The following SNAP91 variants were observed in gnomAD, a reference collection of about 807,000 sequenced individuals.
SNAP91 encodes synaptosome associated protein 91, also known as clathrin coat assembly protein AP180.
SNAP91 carries 27 observed loss-of-function variants against 100.3 expected under a neutral mutation model. The observed-to-expected ratio is 0.27, with a 90% CI of 0.20 to 0.37. The LOEUF (loss-of-function observed/expected upper bound fraction) is 0.37. SNAP91 is among the 10% of genes least tolerant of loss of function. The probability of loss-of-function intolerance (pLI) is 1.00; values close to 1 mark genes in which losing one functional copy is unlikely to be tolerated. For missense variants in SNAP91, 986 were observed against 1,123.7 expected (o/e 0.88, Z 1.75); for synonymous variants, 404 against 398.6 (o/e 1.01, Z -0.16).
chr6:83,667,272 T>C (rs777105270), intron 2 of SNAP91, among the ~76,000 whole-genome samples: 7 of 152,062 alleles, frequency 4.6e-5, no homozygotes, highest in Non-Finnish European at 1.0e-4. Context: ...ACTTGGAGAA[T>C]TGTAGTGTAG....
chr6:83,574,271 T>C (rs1814018329), intron 26 of SNAP91, among the ~76,000 whole-genome samples: 1 of 152,218 alleles, frequency 6.6e-6, no homozygotes, highest in South Asian at 2.1e-4. Flanking sequence ...AGAAAAATTA[T>C]ACAGTTTGCT....
At chr6:83,601,081 TA>T (rs1184858916) in intron 16 of SNAP91, among the ~76,000 whole-genome samples, 189 bp downstream of exon 16, 1 of 152,200 alleles carries the variant, frequency 6.6e-6, no homozygotes, top group Non-Finnish European at 1.5e-5. Context: ...ATCTCTGCTA[TA>T]AAATTACTAA....
intron 16 of SNAP91, among the ~76,000 whole-genome samples, chr6:83,596,066 A>AT (rs1311942679): frequency 6.6e-6 from 1 of 152,130 alleles, no homozygotes; most frequent in Non-Finnish European, 1.5e-5. Flanking sequence ...CAATTTATTT[A>AT]TTATTAGAGA....
At chr6:83,597,374 A>C (rs1468932710) in intron 16 of SNAP91, among the ~76,000 whole-genome samples, 1 of 152,212 alleles carries the variant, frequency 6.6e-6, no homozygotes, top group East Asian at 1.9e-4. Flanking sequence ...AACTTTTTTA[A>C]ATATCTAGTT....
intron 2 of SNAP91, among the ~76,000 whole-genome samples, chr6:83,686,562 GC>G (rs1172922182): frequency 6.6e-6 from 1 of 151,692 alleles, no homozygotes; most frequent in African/African-American, 2.4e-5. Flanking sequence ...CCCAATTTGG[GC>G]CCAGGCCACT....
At chr6:83,580,175 G>A (rs1031042115) in intron 24 of SNAP91, among the ~76,000 whole-genome samples, 3 of 152,076 alleles carry the variant, frequency 2.0e-5, no homozygotes, top group African/African-American at 7.2e-5. Flanking sequence ...AATACACTTG[G>A]TTTCATACTT....
chr6:83,601,304 T>C lies in SNAP91; in HGVS notation c.1291A>G (p.Thr431Ala), dbSNP rs2095186165. Residue 431 changes from threonine (T) to alanine (A), a missense_variant, in exon 16 of 30, where the codon ACT becomes GCT. Physicochemically the swap from Thr to Ala is moderately conservative, Grantham distance 58. Around this residue, in one of 4 missense-constraint regions of SNAP91, gnomAD observed 575 missense variants for 579.9 expected, o/e 0.99. Transcript: ENST00000369694. ...SASASTTTTV[T>A]AVTAEVDLFG... ...AGATCCACTTCAGCAGTGACAGCAG[T>C]AACAGTTGTAGTAGTGGAGGCAGAA... 2 of 1,613,484 alleles carry C rather than the reference T, an allele frequency of 1.2e-6. No homozygotes were observed. Among genetic ancestry groups the C allele is most frequent in the Non-Finnish European group, 8.5e-7 (1 of 1,179,650 alleles).
rs201562303 is a variant in SNAP91 at position 83,707,898 on chromosome 6, G to A, written c.30C>T (p.Ile10=). The A allele has an allele frequency of 1.3e-6, 2 of 1,592,856 alleles. No individual in the cohort carries two copies. Among genetic ancestry groups the A allele is most frequent in the Non-Finnish European group, 1.7e-6 (2 of 1,173,068 alleles). Residue 10 remains isoleucine (I), a synonymous_variant, in exon 2 of 30, where the codon ATC becomes ATT. Transcript: ENST00000369694. MSGQTLTDR[I]AAAQYSVTGS... Reference sequence around the variant, plus strand: ...CTGTAACGCTGTACTGAGCGGCGGCGATCCGATCCGTGAGCGTTTGGCCCG... The same window carrying A: ...CTGTAACGCTGTACTGAGCGGCGGCAATCCGATCCGTGAGCGTTTGGCCCG...
intron 8 of SNAP91, among the ~76,000 whole-genome samples, chr6:83,627,701 T>C (rs973648884): frequency 1.3e-5 from 2 of 152,000 alleles, no homozygotes; most frequent in Non-Finnish European, 2.9e-5. Context: ...TAATGTCACC[T>C]TTGTCTGTCT....
chr6:83,564,571 C>G (rs1207450681), intron 26 of SNAP91, among the ~76,000 whole-genome samples: 1 of 151,926 alleles, frequency 6.6e-6, no homozygotes, highest in African/African-American at 2.4e-5. Context: ...CATTATGTTG[C>G]CCAGGCTAGT....
At chr6:83,598,074 T>G (rs2128227722) in intron 16 of SNAP91, among the ~76,000 whole-genome samples, 1 of 152,310 alleles carries the variant, frequency 6.6e-6, no homozygotes, top group South Asian at 2.1e-4. Flanking sequence ...GCAGAGGAAT[T>G]AGCATCAATT....
At chr6:83,587,924 T>C (rs924915588) in intron 22 of SNAP91, among the ~76,000 whole-genome samples, 3 of 152,196 alleles carry the variant, frequency 2.0e-5, no homozygotes, top group Non-Finnish European at 4.4e-5. Context: ...CAGGGAAGTA[T>C]GAAAAATTAG....
chr6:83,682,881 A>G (rs966722368), intron 2 of SNAP91, among the ~76,000 whole-genome samples: 14 of 151,718 alleles, frequency 9.2e-5, no homozygotes, highest in Non-Finnish European at 7.4e-5. Context: ...TATACTCTAG[A>G]TTCCCTAATC....
intron 14 of SNAP91, among the ~76,000 whole-genome samples, chr6:83,604,472 G>C (rs1310239840): frequency 6.6e-6 from 1 of 152,106 alleles, no homozygotes; most frequent in Non-Finnish European, 1.5e-5. Flanking sequence ...CATTATTTCA[G>C]AACTGGTTAT....
intron 12 of SNAP91, among the ~76,000 whole-genome samples, chr6:83,610,187 C>A (rs945503928): frequency 4.0e-5 from 6 of 151,852 alleles, no homozygotes; most frequent in Non-Finnish European, 7.4e-5. Context: ...ATTCATAAAC[C>A]CAAATGATAC....
At chr6:83,703,317 A>C (rs1379240295) in intron 2 of SNAP91, among the ~76,000 whole-genome samples, 2 of 152,088 alleles carry the variant, frequency 1.3e-5, no homozygotes, top group African/African-American at 4.8e-5. Flanking sequence ...AACTTTGCTT[A>C]CTTTTTGGAT....
At chr6:83,642,439 G>T (rs967206388) in intron 7 of SNAP91, among the ~76,000 whole-genome samples, 43 of 152,216 alleles carry the variant, frequency 2.8e-4, no homozygotes, top group African/African-American at 1.0e-3. Context: ...AACATGCAGT[G>T]TTTGGTTTTC....
intron 14 of SNAP91, among the ~76,000 whole-genome samples, chr6:83,602,637 AT>A (rs1201459220): frequency 9.9e-5 from 15 of 152,264 alleles, no homozygotes; most frequent in African/African-American, 3.4e-4. Flanking sequence ...GTTTATTTCA[AT>A]TTCTTAAAGT....
At chr6:83,618,347 A>G (rs1231106389) in intron 9 of SNAP91, among the ~76,000 whole-genome samples, 1 of 151,698 alleles carries the variant, frequency 6.6e-6, no homozygotes, top group Middle Eastern at 3.2e-3. Context: ...CCCTGTCGGC[A>G]TTATTTTAAA....
Sources: allele counts gnomAD v4.1 joint callset (sites outside exome capture counted in the v4.1 genomes callset), GRCh38; gene constraint gnomAD v4.1.1; regional missense constraint gnomAD v4.1.1; transcripts MANE v1.5; gene names NCBI Gene and HGNC (gene_info 2026-07-23, HGNC 2026-07-21).